GLT1D1: variants seen among roughly 807,000 people sequenced by gnomAD.
GLT1D1 encodes glycosyltransferase 1 domain-containing protein 1.
GLT1D1 carries 21 observed loss-of-function variants against 28.7 expected under a neutral mutation model. That is an observed-to-expected ratio of 0.73 (90% confidence interval 0.52 to 1.05). The LOEUF (loss-of-function observed/expected upper bound fraction) is 1.05, where lower values mean the gene tolerates loss of function less well. Among genes scored for constraint, GLT1D1 ranks in the 50% least tolerant of loss-of-function variants. The pLI, the probability that GLT1D1 is intolerant of heterozygous loss-of-function variation, is 0.00. For missense variants in GLT1D1, 343 were observed against 330.6 expected (o/e 1.04, Z -0.29); for synonymous variants, 147 against 124.8 (o/e 1.18, Z -1.19).
chr12:128,943,687 A>T (rs946101078), intron 4 of GLT1D1, among the ~76,000 whole-genome samples: 26 of 152,234 alleles, frequency 1.7e-4, no homozygotes, highest in African/African-American at 6.0e-4. Flanking sequence ...AGTAAACTGA[A>T]AGTATGCTTA....
intron 1 of GLT1D1, among the ~76,000 whole-genome samples, chr12:128,855,405 A>G (rs571003331): frequency 5.9e-5 from 9 of 151,752 alleles, no homozygotes; most frequent in African/African-American, 9.7e-5. Flanking sequence ...TCTACAAAAA[A>G]AAATTTAAAA....
chr12:128,978,454 G>C (rs1003907938), intron 7 of GLT1D1, among the ~76,000 whole-genome samples: 1 of 152,194 alleles, frequency 6.6e-6, no homozygotes, highest in Non-Finnish European at 1.5e-5. Flanking sequence ...CCTGAGGTCG[G>C]TGGGAATTGC....
At chr12:128,876,705 A>C (rs1956879319) in intron 2 of GLT1D1, among the ~76,000 whole-genome samples, 1 of 152,242 alleles carries the variant, frequency 6.6e-6, no homozygotes. Context: ...TGTTCAACCC[A>C]TCAATTTATG....
chr12:128,958,864 G>A (rs866066208), intron 7 of GLT1D1, among the ~76,000 whole-genome samples: 6 of 116,594 alleles, frequency 5.1e-5, no homozygotes, highest in Non-Finnish European at 6.6e-5. Context: ...ATGAGACAGG[G>A]TCTCACTGTG....
intron 7 of GLT1D1, among the ~76,000 whole-genome samples, chr12:128,966,197 G>A (rs1204144767): frequency 6.6e-6 from 1 of 152,240 alleles, no homozygotes; most frequent in African/African-American, 2.4e-5. Context: ...TGGAGAGAAG[G>A]AGACAGCAGA....
chr12:128,933,300 G>A (rs941360723), intron 4 of GLT1D1, among the ~76,000 whole-genome samples: 5 of 152,396 alleles, frequency 3.3e-5, no homozygotes, highest in African/African-American at 1.2e-4. Flanking sequence ...CGCAGGCGGA[G>A]CCGAGTCCCG....
At chr12:128,901,439 ATT>A (rs35060673) in intron 4 of GLT1D1, among the ~76,000 whole-genome samples, 37 of 141,228 alleles carry the variant, frequency 2.6e-4, no homozygotes, top group Middle Eastern at 3.6e-3. Context: ...TCTCTCTCTC[ATT>A]TTTTTTTTTT....
intron 1 of GLT1D1, among the ~76,000 whole-genome samples, chr12:128,867,042 C>T (rs1956548903): frequency 6.6e-6 from 1 of 152,174 alleles, no homozygotes; most frequent in South Asian, 2.1e-4. Flanking sequence ...GAGCAAAAAC[C>T]TGCCTCTGAC....
Position 128,976,472 on chromosome 12 carries a change from C to A in GLT1D1, c.640-6457C>A, listed in dbSNP as rs375861791. Among the ~76,000 whole-genome samples, 85 of 152,312 alleles carry A rather than the reference C, an allele frequency of 5.6e-4. 1 individual carries two copies. In the East Asian group the frequency reaches 0.01, roughly 18 times the overall value. ...CCAACCAGAAAAGCCCGAGGAAAAC[C>A]CGAGATCTTTAACGACGGCGGCCTG... On this transcript the variant is annotated intron_variant, in intron 7 of 7. Coordinates refer to ENST00000281703, the MANE Select transcript of GLT1D1 (RefSeq NM_144669.3).
At chr12:128,941,552 T>C (rs868440663) in intron 4 of GLT1D1, among the ~76,000 whole-genome samples, 2 of 151,126 alleles carry the variant, frequency 1.3e-5, no homozygotes, top group Admixed American at 1.3e-4. Flanking sequence ...CTGTCTCTTC[T>C]TTCTCTCTCT....
intron 1 of GLT1D1, among the ~76,000 whole-genome samples, chr12:128,863,856 G>A (rs1956441726): frequency 6.8e-6 from 1 of 146,688 alleles, no homozygotes; most frequent in Non-Finnish European, 1.5e-5. Context: ...TGAGGTAGGA[G>A]AATGGCGTGA....
At chr12:128,900,614 CCA>C (rs1870140746) in intron 4 of GLT1D1, among the ~76,000 whole-genome samples, 1 of 151,912 alleles carries the variant, frequency 6.6e-6, no homozygotes. Flanking sequence ...ATCCTGGTTT[CCA>C]GTTTTATTGT....
rs750867316 is a variant in GLT1D1, at chr12:128,984,501, G to A, written c.*1411G>A. ...CATCATGTAATAGAATCGCTTTCCAGAAAGGCAGTTAACTGGAAGCAGCAG... is the reference window on the plus strand; with the variant it reads ...CATCATGTAATAGAATCGCTTTCCAAAAAGGCAGTTAACTGGAAGCAGCAG... On this transcript the variant is annotated 3_prime_UTR_variant, in exon 8 of 8. Coordinates refer to ENST00000281703, the MANE Select transcript of GLT1D1 (RefSeq NM_144669.3). 8 of 152,172 alleles carry A rather than the reference G, an allele frequency of 5.3e-5. No homozygotes were observed. The highest frequency in any genetic ancestry group is 8.8e-5 in the Non-Finnish European group (6 of 68,040). 9.4% of individuals were successfully genotyped at this position (152,172 alleles called of 1,614,324 possible). A position where few individuals can be genotyped will look rare whatever the true frequency, so the allele number is the denominator to read the frequency against.
chr12:128,956,171 A>AAAAAAAAAAAAGAGAG (rs374597920), intron 6 of GLT1D1, among the ~76,000 whole-genome samples: 1 of 63,942 alleles, frequency 1.6e-5, no homozygotes, highest in Non-Finnish European at 3.5e-5. Flanking sequence ...AAAAAAAAAA[A>AAAAAAAAAAAAGAGAG]AGAGAAAGAG....
chr12:128,973,512 C>T (rs539342596), intron 7 of GLT1D1, among the ~76,000 whole-genome samples: 2 of 151,798 alleles, frequency 1.3e-5, no homozygotes, highest in Non-Finnish European at 2.9e-5. Flanking sequence ...TCTTTCCTCT[C>T]CCCCAGGCAT....
chr12:128,888,994 T>C (rs1186348914), intron 3 of GLT1D1, among the ~76,000 whole-genome samples: 1 of 152,186 alleles, frequency 6.6e-6, no homozygotes, highest in Non-Finnish European at 1.5e-5. Flanking sequence ...ATGGTCTGCA[T>C]GGAGCCAGGC....
chr12:128,910,294 AAGG>A (rs1871376852), intron 4 of GLT1D1, among the ~76,000 whole-genome samples: 4 of 150,210 alleles, frequency 2.7e-5, no homozygotes, highest in Non-Finnish European at 5.9e-5. Context: ...TTGGTGGAAA[AAGG>A]AGTTTCTTGA....
At chr12:128,957,418 C>A in intron 6 of GLT1D1, 127 bp from the exon 11 acceptor site, 2 of 610,850 alleles carry the variant, frequency 3.3e-6, no homozygotes, top group Non-Finnish European at 6.0e-6. Flanking sequence ...TTTGGAAAGG[C>A]GTATTTTTTG....
intron 4 of GLT1D1, among the ~76,000 whole-genome samples, chr12:128,906,069 GC>G (rs1331481318): frequency 1.3e-5 from 2 of 151,960 alleles, no homozygotes; most frequent in Admixed American, 1.3e-4. Context: ...TGAACTCCTG[GC>G]CTCAAGTAGT....
Sources: gnomAD v4.1 joint callset for allele counts (sites outside exome capture counted in the v4.1 genomes callset) on GRCh38, gnomAD v4.1.1 for gene constraint, MANE v1.5 for transcripts, NCBI Gene and HGNC (gene_info 2026-07-23, HGNC 2026-07-21) for gene names.